Variants in RNF220 observed in about 807,000 individuals in gnomAD.
RNF220 encodes the protein ring finger protein 220, also known as E3 ubiquitin-protein ligase RNF220.
RNF220 carries 7 observed loss-of-function variants against 67.1 expected under a neutral mutation model. The observed-to-expected ratio is 0.10, with a 90% CI of 0.06 to 0.20. The LOEUF is 0.20. RNF220 is among the 10% of genes least tolerant of loss of function. RNF220 has a pLI of 1.00. For missense variants in RNF220, 565 were observed against 740.3 expected (o/e 0.76, Z 2.75); for synonymous variants, 270 against 283.2 (o/e 0.95, Z 0.47).
At chr1:44,510,294 G>A (rs2487268) in intron 2 of RNF220, among the ~76,000 whole-genome samples, 1 of 149,504 alleles carries the variant, frequency 6.7e-6, no homozygotes, top group Non-Finnish European at 1.5e-5. Context: ...AAGAAGGAAG[G>A]AAGGGAGGGA....
chr1:44,634,903 C>T (rs543611566), intron 6 of RNF220, among the ~76,000 whole-genome samples: 31 of 152,286 alleles, frequency 2.0e-4, no homozygotes, highest in African/African-American at 7.5e-4. Context: ...GCTGCCTTCT[C>T]AGGGTTCCCT....
At chr1:44,451,441 TTGTC>T (rs888286230) in intron 2 of RNF220, among the ~76,000 whole-genome samples, 2 of 152,172 alleles carry the variant, frequency 1.3e-5, no homozygotes, top group Non-Finnish European at 2.9e-5. Context: ...CCTGTTTATA[TTGTC>T]TTTTTCTCTA....
At chr1:44,425,707 C>T (rs866400998) in intron 2 of RNF220, among the ~76,000 whole-genome samples, 1 of 152,194 alleles carries the variant, frequency 6.6e-6, no homozygotes, top group South Asian at 2.1e-4. Context: ...AATCCCTGCC[C>T]TACCCTACAG....
intron 2 of RNF220, among the ~76,000 whole-genome samples, chr1:44,441,357 C>T (rs1651534309): frequency 6.6e-6 from 1 of 152,110 alleles, no homozygotes; most frequent in African/African-American, 2.4e-5. Context: ...TAGTCAGTCT[C>T]CCTAAATTCA....
chr1:44,527,290 C>T (rs1184905236), intron 2 of RNF220, among the ~76,000 whole-genome samples: 3 of 152,056 alleles, frequency 2.0e-5, no homozygotes, highest in Non-Finnish European at 2.9e-5. Context: ...TCTAACCACA[C>T]AAGCAGAAAC....
At chr1:44,454,745 A>G (rs2147940090) in intron 2 of RNF220, among the ~76,000 whole-genome samples, 1 of 152,164 alleles carries the variant, frequency 6.6e-6, no homozygotes, top group South Asian at 2.1e-4. Flanking sequence ...TTTGACAAAT[A>G]CATATAATCA....
At chr1:44,630,589 A>C (rs1423595483) in intron 5 of RNF220, among the ~76,000 whole-genome samples, 1 of 151,864 alleles carries the variant, frequency 6.6e-6, no homozygotes, top group East Asian at 1.9e-4. Context: ...GTAAACAAAC[A>C]ATCAAAATAT....
chr1:44,517,909 C>A (rs890359445), intron 2 of RNF220, among the ~76,000 whole-genome samples: 6 of 150,196 alleles, frequency 4.0e-5, no homozygotes, highest in African/African-American at 1.5e-4. Context: ...GAGTTCGAGA[C>A]CAGCCTGGCC....
At chr1:44,577,147 T>C (rs1664868121) in intron 2 of RNF220, among the ~76,000 whole-genome samples, 1 of 152,202 alleles carries the variant, frequency 6.6e-6, no homozygotes, top group Non-Finnish European at 1.5e-5. Context: ...AAGTTCACTC[T>C]ACATTCCAAT....
chr1:44,430,486 C>G (rs1165027895), intron 2 of RNF220, among the ~76,000 whole-genome samples: 1 of 152,124 alleles, frequency 6.6e-6, no homozygotes, highest in Non-Finnish European at 1.5e-5. Flanking sequence ...CTTCTACTAT[C>G]TTTGCAATTT....
intron 2 of RNF220, among the ~76,000 whole-genome samples, chr1:44,474,107 G>C (rs996704068): frequency 6.6e-6 from 1 of 152,150 alleles, no homozygotes; most frequent in Non-Finnish European, 1.5e-5. Flanking sequence ...GGGTGTGGTA[G>C]CTCACGCCTA....
chr1:44,442,067 G>C (rs1047069370), intron 2 of RNF220, among the ~76,000 whole-genome samples: 3 of 152,168 alleles, frequency 2.0e-5, no homozygotes, highest in Admixed American at 6.5e-5. Flanking sequence ...TGTCCTCTAA[G>C]CTCCACACTG....
intron 2 of RNF220, among the ~76,000 whole-genome samples, chr1:44,501,180 C>T (rs1391817346): frequency 6.7e-6 from 1 of 149,304 alleles, no homozygotes; most frequent in Admixed American, 6.7e-5. Flanking sequence ...GTGGGGAGAG[C>T]CCTTTGTCCC....
At chr1:44,646,214 C>G (rs568212776) in intron 12 of RNF220, among the ~76,000 whole-genome samples, 22 of 152,390 alleles carry the variant, frequency 1.4e-4, no homozygotes, top group Middle Eastern at 3.4e-3. Context: ...CCTCTTCATT[C>G]CAGGGCCAGT....
At chr1:44,578,938 G>A (rs931911999) in intron 2 of RNF220, among the ~76,000 whole-genome samples, 3 of 152,134 alleles carry the variant, frequency 2.0e-5, no homozygotes, top group Non-Finnish European at 4.4e-5. Context: ...GGCCGAGGCG[G>A]GTGGATCACG....
chr1:44,571,077 A>G (rs1664409042), intron 2 of RNF220, among the ~76,000 whole-genome samples: 2 of 71,468 alleles, frequency 2.8e-5, no homozygotes. Flanking sequence ...CCATCTGAAG[A>G]AAAAAAAAAA....
intron 2 of RNF220, among the ~76,000 whole-genome samples, chr1:44,543,143 G>A (rs1407270944): frequency 3.9e-5 from 6 of 152,080 alleles, no homozygotes; most frequent in Non-Finnish European, 8.8e-5. Flanking sequence ...CTTTCCGGAG[G>A]GATGGTTCTG....
intron 8 of RNF220, among the ~76,000 whole-genome samples, chr1:44,640,674 T>G: frequency 6.6e-6 from 1 of 152,350 alleles, no homozygotes; most frequent in Admixed American, 6.5e-5. Flanking sequence ...GATAATTGCA[T>G]TGTCAACTGT....
At chr1:44,633,608 G>A (rs2148477981) in intron 6 of RNF220, among the ~76,000 whole-genome samples, 1 of 152,316 alleles carries the variant, frequency 6.6e-6, no homozygotes, top group Non-Finnish European at 1.5e-5. Flanking sequence ...TCATCTGCTG[G>A]CCTGTGTGTC....
Sources: allele counts gnomAD v4.1 joint callset (sites outside exome capture counted in the v4.1 genomes callset), GRCh38; gene constraint gnomAD v4.1.1; transcripts MANE v1.5; gene names NCBI Gene and HGNC (gene_info 2026-07-23, HGNC 2026-07-21).